Variants in DNMT3B observed in about 807,000 individuals in gnomAD.
DNMT3B encodes the protein DNA (cytosine-5)-methyltransferase 3B.
Under a neutral mutation model 120.2 loss-of-function variants are expected in DNMT3B, and 37 were observed. That is an observed-to-expected ratio of 0.31 (90% CI 0.24 to 0.40). The LOEUF is 0.40. DNMT3B is among the 10% of genes least tolerant of loss of function. DNMT3B has a pLI of 1.00. For missense variants in DNMT3B, 878 were observed against 1,137.3 expected (o/e 0.77, Z 3.28); for synonymous variants, 412 against 442.8 (o/e 0.93, Z 0.87).
chr20:32,776,450 G>A (rs1035038105), intron 1 of DNMT3B, among the ~76,000 whole-genome samples: 13 of 152,166 alleles, frequency 8.5e-5, no homozygotes, highest in Non-Finnish European at 1.5e-5. Context: ...CATGAAGTCA[G>A]TGAGATACAT....
Position 32,780,382 on chromosome 20 carries a change from C to T in DNMT3B, c.59C>T (p.Ser20Leu), listed in dbSNP as rs141756182. ...GAGGACGCCGGCGGGAGGGAAGACTCGATCCTCGTCAACGGGGCCTGCAGC... is the reference window on the plus strand; with the variant it reads ...GAGGACGCCGGCGGGAGGGAAGACTTGATCCTCGTCAACGGGGCCTGCAGC... ...GEEDAGGRED[S>L]ILVNGACSDQ... Residue 20 changes from serine to leucine, a missense_variant, in exon 2 of 23, where the codon TCG becomes TTG. Transcript: ENST00000328111. 4.3e-6 allele frequency: 7 copies of T among 1,613,882 alleles called. No homozygotes were observed. Among genetic ancestry groups the T allele is most frequent in the South Asian group, 1.1e-5 (1 of 91,056 alleles).
chr20:32,767,380 G>C (rs1987445477), intron 1 of DNMT3B, among the ~76,000 whole-genome samples: 1 of 151,780 alleles, frequency 6.6e-6, no homozygotes, highest in East Asian at 1.9e-4. Flanking sequence ...GTCTCAGTCT[G>C]GTATCTGTTC....
chr20:32,779,000 G>A (rs553817699), intron 1 of DNMT3B, among the ~76,000 whole-genome samples: 227 of 152,240 alleles, frequency 1.5e-3, no homozygotes, highest in Non-Finnish European at 2.9e-3. Context: ...GATAAACTGC[G>A]AGGCTAGCAC....
chr20:32,792,128 C>G (rs1980045298), intron 8 of DNMT3B, among the ~76,000 whole-genome samples: 1 of 152,124 alleles, frequency 6.6e-6, no homozygotes, highest in Admixed American at 6.6e-5. Context: ...TTTTTTCCCC[C>G]CACCTTTGTT....
At chr20:32,801,618 T>A (rs757101028) in intron 19 of DNMT3B, among the ~76,000 whole-genome samples, 192 bp downstream of exon 19, 2 of 152,132 alleles carry the variant, frequency 1.3e-5, no homozygotes, top group Non-Finnish European at 2.9e-5. Flanking sequence ...AGGGTCTTGC[T>A]CTGTCACCCA....
chr20:32,798,377 C>G, intron 14 of DNMT3B, 83 bp from the exon 15 acceptor site: 1 of 1,565,502 alleles, frequency 6.4e-7, no homozygotes, highest in Non-Finnish European at 8.7e-7. Context: ...AGGGGGTTGG[C>G]ATTTCCCTGT....
intron 4 of DNMT3B, 51 bp downstream of exon 4, chr20:32,784,910 G>A (rs775422714): frequency 6.4e-7 from 1 of 1,550,790 alleles, no homozygotes; most frequent in Non-Finnish European, 8.9e-7. Flanking sequence ...ACTCTACATA[G>A]CATACATAGC....
In DNMT3B at chr20:32,787,357, C is replaced by A. The variant is rs774622592; in HGVS notation, c.560C>A (p.Pro187His). 1 of 1,614,214 alleles carries A rather than the reference C, an allele frequency of 6.2e-7. No individual in the cohort carries two copies. Among genetic ancestry groups the A allele is most frequent in the South Asian group, 1.1e-5 (1 of 91,086 alleles). The change falls in exon 6 of 23, where the codon CCC becomes CAC. Residue 187 changes from proline (P) to histidine (H), a missense_variant. Physicochemically the swap from Pro to His is moderately conservative, Grantham distance 77. This residue lies in a region of DNMT3B where 287 missense variants were observed against 306.2 expected (regional missense o/e 0.94). Transcript: ENST00000328111. ...GGGACGCCCCAGAGCAGCAGTACCCCCTACGCCCGCCTAGCCCAGGACAGC... is the reference window on the plus strand; with the variant it reads ...GGGACGCCCCAGAGCAGCAGTACCCACTACGCCCGCCTAGCCCAGGACAGC... Reference protein sequence around the residue: ...THGTPQSSSTPYARLAQDSQQ... With the variant: ...THGTPQSSSTHYARLAQDSQQ...
intron 20 of DNMT3B, 44 bp from the exon 21 acceptor site, chr20:32,805,293 AC>A (rs1333784048): frequency 1.2e-6 from 2 of 1,612,636 alleles, no homozygotes; most frequent in African/African-American, 2.7e-5. Flanking sequence ...CTAGCAGAGG[AC>A]CCTCTATAGC....
Position 32,807,991 on chromosome 20 carries a change from C to T in DNMT3B, c.*88C>T, listed in dbSNP as rs911106592. The T allele has an allele frequency of 3.7e-6, 6 of 1,606,520 alleles. No individual in the cohort carries two copies. Among genetic ancestry groups the T allele is most frequent in the South Asian group, 1.1e-5 (1 of 90,484 alleles). On this transcript the variant is annotated 3_prime_UTR_variant, in exon 23 of 23. Coordinates refer to ENST00000328111, the MANE Select transcript of DNMT3B (RefSeq NM_006892.4). ...CCTGAAGGCATCCCCAGGCCCTGCT[C>T]TTCCTCAGCTGTGTGGGTCATACCG...
chr20:32,765,058 C>T (rs994445067), intron 1 of DNMT3B, among the ~76,000 whole-genome samples: 2 of 152,236 alleles, frequency 1.3e-5, no homozygotes, highest in Non-Finnish European at 1.5e-5. Context: ...GCCTCACCTC[C>T]AGGCTCAGAC....
intron 15 of DNMT3B, 25 bp from the exon 16 acceptor site, chr20:32,799,219 C>G (rs1166431482): frequency 6.2e-7 from 1 of 1,602,788 alleles, no homozygotes; most frequent in Non-Finnish European, 8.5e-7. Flanking sequence ...CCTTCACCAC[C>G]ATGACCTCCT....
chr20:32,765,131 C>T (rs1157886098), intron 1 of DNMT3B, among the ~76,000 whole-genome samples: 1 of 152,252 alleles, frequency 6.6e-6, no homozygotes, highest in African/African-American at 2.4e-5. Context: ...TGCTCTTCCT[C>T]ACACACCAGT....
chr20:32,790,858 C>T (rs1979894161), intron 7 of DNMT3B, among the ~76,000 whole-genome samples: 1 of 152,150 alleles, frequency 6.6e-6, no homozygotes, highest in Non-Finnish European at 1.5e-5. Flanking sequence ...GAGATGGGGT[C>T]TTGCTGTGTT....
In DNMT3B at chr20:32,800,280, G is replaced by A. The variant is rs1263651996; in HGVS notation, c.1887G>A (p.Arg629=). 6.2e-7 allele frequency: 1 copy of A among 1,614,034 alleles called. No homozygotes were observed. The highest frequency in any genetic ancestry group is 8.5e-7 in the Non-Finnish European group (1 of 1,180,048). ...EGNIKYVNDV[R]NITKKNIEEW... Reference sequence around the variant, plus strand: ...ATATCAAATACGTGAACGACGTGAGGAACATCACAAAGAAAAATGTGAGGG... The same window carrying A: ...ATATCAAATACGTGAACGACGTGAGAAACATCACAAAGAAAAATGTGAGGG... Residue 629 remains arginine (R), a synonymous_variant, in exon 17 of 23, where the codon AGG becomes AGA. Coordinates refer to ENST00000328111, the MANE Select transcript of DNMT3B (RefSeq NM_006892.4).
chr20:32,797,168 G>T lies in DNMT3B; in HGVS notation c.1378-19G>T. The T allele has an allele frequency of 6.2e-7, 1 of 1,612,526 alleles. No individual in the cohort carries two copies. Among genetic ancestry groups the T allele is most frequent in the Non-Finnish European group, 8.5e-7 (1 of 1,180,048 alleles). On this transcript the variant is annotated intron_variant, in intron 13 of 22. Transcript: ENST00000328111. ...TTCTCTGGTCTCCGATTTCACTGGT[G>T]TTTCTCTCTGGCTGCCAGGATCGCT...
chr20:32,796,198 C>T (rs1980598399), intron 12 of DNMT3B, among the ~76,000 whole-genome samples: 1 of 152,142 alleles, frequency 6.6e-6, no homozygotes, highest in African/African-American at 2.4e-5. Flanking sequence ...CATCCCTGAC[C>T]CAGAGAACCC....
chr20:32,772,118 C>G (rs1347188575), intron 1 of DNMT3B, among the ~76,000 whole-genome samples: 1 of 152,208 alleles, frequency 6.6e-6, no homozygotes, highest in Non-Finnish European at 1.5e-5. Context: ...AACCAGTCCT[C>G]TTGACCGTGA....
chr20:32,794,840 T>C (rs1170923350), intron 10 of DNMT3B, among the ~76,000 whole-genome samples: 1 of 152,250 alleles, frequency 6.6e-6, no homozygotes, highest in Non-Finnish European at 1.5e-5. Flanking sequence ...ATGCTAAATT[T>C]GCAATGAAAA....
Sources: allele counts gnomAD v4.1 joint callset (sites outside exome capture counted in the v4.1 genomes callset), GRCh38; gene constraint gnomAD v4.1.1; regional missense constraint gnomAD v4.1.1; transcripts MANE v1.5; gene names NCBI Gene and HGNC (gene_info 2026-07-23, HGNC 2026-07-21).